Variants in ADGRV1 observed in about 807,000 individuals in gnomAD.
ADGRV1 encodes adhesion G protein-coupled receptor V1, also known as G-protein coupled receptor 98.
ADGRV1 carries 359 observed loss-of-function variants against 596.2 expected under a neutral mutation model. The observed-to-expected ratio is 0.60, with a 90% CI of 0.55 to 0.66. ADGRV1 has a LOEUF of 0.66. ADGRV1 is among the 30% of genes least tolerant of loss of function. ADGRV1 has a pLI of 0.00. For missense variants in ADGRV1, 7,274 were observed against 7,575.6 expected, an observed-to-expected ratio of 0.96 and a Z score of 1.48; for synonymous variants, 2,681 against 2,679.2, an observed-to-expected ratio of 1.00 and a Z score of -0.02.
At chr5:91,031,674 TG>T (rs1160782761) in intron 85 of ADGRV1, among the ~76,000 whole-genome samples, 1 of 152,236 alleles carries the variant, frequency 6.6e-6, no homozygotes, top group East Asian at 1.9e-4. Context: ...TTCTGATACC[TG>T]AGGTTATGTC....
At chr5:90,590,573 T>C (rs1234694411) in intron 1 of ADGRV1, among the ~76,000 whole-genome samples, 1 of 152,176 alleles carries the variant, frequency 6.6e-6, no homozygotes, top group East Asian at 1.9e-4. Context: ...TCAAAACAAC[T>C]TAATGACGTA....
chr5:90,829,465 A>G lies in ADGRV1; in HGVS notation c.16611+279A>G, dbSNP rs147109699. Among the ~76,000 whole-genome samples, 535 of 152,316 alleles carry G rather than the reference A, an allele frequency of 3.5e-3. 5 individuals carry two copies. The highest frequency in any genetic ancestry group is 0.012 in the African/African-American group (514 of 41,566). On this transcript the variant is annotated intron_variant, in intron 77 of 89. Coordinates refer to ENST00000405460, the MANE Select transcript of ADGRV1 (RefSeq NM_032119.4). The stretch of plus-strand genomic sequence containing the variant: ...CATAAATCTGTTTTATAAAATCTCT[A>G]GGGAGTTAAAATTTCTTCAGAATGT...
chr5:91,056,539 C>T (rs1033380207), intron 85 of ADGRV1, among the ~76,000 whole-genome samples: 6 of 152,118 alleles, frequency 3.9e-5, no homozygotes, highest in African/African-American at 1.4e-4. Flanking sequence ...TTTCAGTCAG[C>T]TCATGAGGCA....
intron 57 of ADGRV1, among the ~76,000 whole-genome samples, chr5:90,758,071 G>A (rs1581023343): frequency 1.3e-5 from 2 of 152,126 alleles, no homozygotes; most frequent in South Asian, 4.1e-4. Flanking sequence ...AAAAAGAGTG[G>A]AATGCAATCC....
intron 52 of ADGRV1, among the ~76,000 whole-genome samples, chr5:90,749,578 A>T (rs113555950): frequency 1.5e-3 from 232 of 152,352 alleles, no homozygotes; most frequent in African/African-American, 5.3e-3. Flanking sequence ...AAAAGCTCTC[A>T]TAAGTTTTAA....
chr5:91,143,856 G>T (rs963306177), intron 87 of ADGRV1, among the ~76,000 whole-genome samples: 1 of 152,196 alleles, frequency 6.6e-6, no homozygotes, highest in Admixed American at 6.5e-5. Flanking sequence ...CCAGTGCTGA[G>T]CTGCCCTCAG....
At chr5:90,907,900 G>A (rs1278635702) in intron 83 of ADGRV1, among the ~76,000 whole-genome samples, 3 of 152,126 alleles carry the variant, frequency 2.0e-5, no homozygotes, top group Admixed American at 1.3e-4. Context: ...ACCCAGGCTG[G>A]AGTGCAGTGG....
intron 25 of ADGRV1, among the ~76,000 whole-genome samples, chr5:90,678,468 T>C (rs1237922550): frequency 6.6e-6 from 1 of 151,560 alleles, no homozygotes; most frequent in Non-Finnish European, 1.5e-5. Context: ...TTATTTTCCA[T>C]TATTTTATTT....
chr5:91,130,989 T>C (rs548241091), intron 87 of ADGRV1, among the ~76,000 whole-genome samples: 1 of 152,398 alleles, frequency 6.6e-6, no homozygotes, highest in South Asian at 2.1e-4. Flanking sequence ...GTGGTATATA[T>C]GTACCACATT....
intron 85 of ADGRV1, among the ~76,000 whole-genome samples, chr5:91,010,809 GA>G (rs1782662464): frequency 6.6e-6 from 1 of 151,738 alleles, no homozygotes; most frequent in African/African-American, 2.4e-5. Flanking sequence ...ATAATTATTA[GA>G]CAAAGTAATA....
At position 90,810,680 on chromosome 5, in the gene ADGRV1, A is replaced by G. The variant is rs1380682846; in HGVS notation, c.15420A>G (p.Thr5140=). The change falls in exon 74 of 90, where the codon ACA becomes ACG. Residue 5140 remains threonine (T), a synonymous_variant. Transcript: ENST00000405460. The stretch of plus-strand genomic sequence containing the variant: ...GAATGGATATTTCCTTCCCCGAGAC[A>G]ACTGTGGCTGTAGCAGTTGACACAA... The part of the protein sequence containing the change: ...LAGMDISFPE[T]TVAVAVDTTL... 6.2e-7 allele frequency: 1 copy of G among 1,613,882 alleles called. No individual in the cohort carries two copies. The highest frequency in any genetic ancestry group is 1.3e-5 in the African/African-American group (1 of 74,920).
At chr5:91,037,089 C>T (rs1167852551) in intron 85 of ADGRV1, among the ~76,000 whole-genome samples, 5 of 152,116 alleles carry the variant, frequency 3.3e-5, no homozygotes, top group Admixed American at 3.3e-4. Flanking sequence ...GCTCCATGTT[C>T]GTATCAGTTC....
intron 77 of ADGRV1, among the ~76,000 whole-genome samples, chr5:90,833,481 T>C (rs1764693092): frequency 6.6e-6 from 1 of 152,016 alleles, no homozygotes; most frequent in South Asian, 2.1e-4. Context: ...AATGGGATTT[T>C]ACCATGATAC....
intron 21 of ADGRV1, among the ~76,000 whole-genome samples, chr5:90,665,359 G>A (rs1397584936): frequency 1.3e-5 from 2 of 151,512 alleles, no homozygotes; most frequent in African/African-American, 4.8e-5. Flanking sequence ...TATGTGTTGA[G>A]GAATTTATCC....
intron 66 of ADGRV1, 107 bp downstream of exon 66, chr5:90,783,432 T>C: frequency 1.2e-6 from 1 of 800,490 alleles, no homozygotes; most frequent in Non-Finnish European, 2.0e-6. Context: ...TATGTGTCCA[T>C]TGGAAAACAA....
chr5:91,087,382 C>T (rs563050418), intron 86 of ADGRV1, among the ~76,000 whole-genome samples: 21 of 152,040 alleles, frequency 1.4e-4, no homozygotes, highest in Non-Finnish European at 2.5e-4. Context: ...CTGCAACCTC[C>T]GCCTCCCGAG....
At chr5:90,910,266 G>C (rs1173549060) in intron 83 of ADGRV1, among the ~76,000 whole-genome samples, 1 of 152,158 alleles carries the variant, frequency 6.6e-6, no homozygotes, top group African/African-American at 2.4e-5. Flanking sequence ...GCCACACTTA[G>C]AGCAAAAATC....
intron 1 of ADGRV1, among the ~76,000 whole-genome samples, chr5:90,572,027 A>G (rs536438147): frequency 1.3e-5 from 2 of 152,250 alleles, no homozygotes; most frequent in South Asian, 4.2e-4. Flanking sequence ...TTACCCTGAC[A>G]TTTGCACTGG....
chr5:90,834,065 T>A (rs185375932), intron 77 of ADGRV1, among the ~76,000 whole-genome samples: 1 of 152,308 alleles, frequency 6.6e-6, no homozygotes, highest in East Asian at 1.9e-4. Context: ...AACTTTTTGT[T>A]GTTTCTATTT....
Sources: allele counts gnomAD v4.1 joint callset (sites outside exome capture counted in the v4.1 genomes callset), GRCh38; gene constraint gnomAD v4.1.1; transcripts MANE v1.5; gene names NCBI Gene and HGNC (gene_info 2026-07-23, HGNC 2026-07-21).